The following ABCB1 variants were observed in gnomAD, a reference collection of about 807,000 sequenced individuals.
ABCB1 encodes the protein ATP binding cassette subfamily B member 1.
ABCB1 carries 69 observed loss-of-function variants against 142.0 expected under a neutral mutation model. That is an observed-to-expected ratio of 0.49 (90% CI 0.40 to 0.59). The LOEUF (loss-of-function observed/expected upper bound fraction) is 0.59. ABCB1 is among the 20% of genes least tolerant of loss of function. ABCB1 has a pLI of 0.00. For synonymous variants in ABCB1, 532 were observed against 539.2 expected (o/e 0.99, Z 0.18); for missense variants, 1,326 against 1,554.7 (o/e 0.85, Z 2.47).
At chr7:87,593,643 T>A (rs1385115409) in intron 3 of ABCB1, among the ~76,000 whole-genome samples, 1 of 152,220 alleles carries the variant, frequency 6.6e-6, no homozygotes, top group East Asian at 1.9e-4. Context: ...AGTTCTGCCT[T>A]CCTTCTATGA....
At chr7:87,589,199 A>G (rs934068505) in intron 3 of ABCB1, among the ~76,000 whole-genome samples, 5 of 152,200 alleles carry the variant, frequency 3.3e-5, no homozygotes, top group African/African-American at 9.6e-5. Flanking sequence ...GGGGAAAAAA[A>G]TCTTAATAAC....
At chr7:87,525,588 AG>A (rs1475257469) in intron 21 of ABCB1, among the ~76,000 whole-genome samples, 1 of 152,242 alleles carries the variant, frequency 6.6e-6, no homozygotes, top group African/African-American at 2.4e-5. Flanking sequence ...GCTAGAGGGA[AG>A]AAAATGTTAT....
intron 1 of ABCB1, among the ~76,000 whole-genome samples, chr7:87,635,770 T>C (rs1380326839): frequency 6.6e-6 from 1 of 152,200 alleles, no homozygotes; most frequent in African/African-American, 2.4e-5. Context: ...CTTGCTTTCT[T>C]GTAGTTAATA....
chr7:87,514,413 C>A (rs993675787), intron 25 of ABCB1, among the ~76,000 whole-genome samples: 2 of 152,164 alleles, frequency 1.3e-5, no homozygotes, highest in African/African-American at 4.8e-5. Flanking sequence ...CTCACTACTC[C>A]CTGCCAGACA....
At chr7:87,663,334 G>A (rs7786524) in intron 1 of ABCB1, among the ~76,000 whole-genome samples, 1,922 of 151,890 alleles carry the variant, frequency 0.013, 39 homozygotes, top group African/African-American at 0.044. Flanking sequence ...ACCCATTGAC[G>A]CTATTAACTA....
chr7:87,630,843 C>G (rs554235177), intron 1 of ABCB1, among the ~76,000 whole-genome samples: 21 of 152,060 alleles, frequency 1.4e-4, no homozygotes, highest in African/African-American at 5.1e-4. Context: ...GTGCCCTTAT[C>G]AGAGACAGTT....
At chr7:87,533,781 C>T (rs1816164045) in intron 20 of ABCB1, among the ~76,000 whole-genome samples, 2 of 152,154 alleles carry the variant, frequency 1.3e-5, no homozygotes, top group South Asian at 4.1e-4. Flanking sequence ...ATCCAACAGT[C>T]CTCTCTCAGT....
At chr7:87,681,162 A>G (rs1826893393) in intron 1 of ABCB1, among the ~76,000 whole-genome samples, 2 of 150,674 alleles carry the variant, frequency 1.3e-5, no homozygotes, top group South Asian at 2.1e-4. Context: ...AAATAGTCCT[A>G]TATCTATTAA....
chr7:87,630,452 A>T (rs567798733), intron 1 of ABCB1, among the ~76,000 whole-genome samples: 1 of 152,174 alleles, frequency 6.6e-6, no homozygotes, highest in Non-Finnish European at 1.5e-5. Flanking sequence ...ACTTTTTGAG[A>T]CAAATAGGCT....
chr7:87,546,885 G>A (rs1816806031), intron 14 of ABCB1, among the ~76,000 whole-genome samples: 1 of 151,896 alleles, frequency 6.6e-6, no homozygotes, highest in South Asian at 2.1e-4. Flanking sequence ...TGTAAAATGG[G>A]GATAATAATA....
rs377102862 is a variant in ABCB1, at chr7:87,554,104, A to C, written c.828-172T>G. On this transcript the variant is annotated intron_variant, in intron 8 of 27. Transcript: ENST00000622132. ...GTACTGTTTTACTCCCTTTTTGCAG[A>C]AGAAGAAACTGACATTTATAGAGAT... Among the ~76,000 whole-genome samples, 8 of 152,296 alleles carry C rather than the reference A, an allele frequency of 5.3e-5. No individual in the cohort carries two copies. The East Asian group carries it at 1.5e-3, about 29-fold the overall frequency.
chr7:87,513,851 C>G (rs1175022081), intron 25 of ABCB1, among the ~76,000 whole-genome samples: 1 of 152,162 alleles, frequency 6.6e-6, no homozygotes, highest in Admixed American at 6.5e-5. Context: ...TAACACACCA[C>G]TTAATAACTG....
chr7:87,575,174 T>C (rs1322711251), intron 4 of ABCB1, among the ~76,000 whole-genome samples: 1 of 152,220 alleles, frequency 6.6e-6, no homozygotes, highest in Non-Finnish European at 1.5e-5. Context: ...TTATTTGACC[T>C]AAATACTTCA....
rs1297647951 is a variant in ABCB1 at position 87,503,481 on chromosome 7, T to TA, written c.*761dup. On this transcript the variant is annotated 3_prime_UTR_variant, in exon 28 of 28. Coordinates refer to ENST00000622132, the MANE Select transcript of ABCB1 (RefSeq NM_001348946.2). ...AAAAAGTAAATGTACTTTGGAAGTG[T>TA]AAAAATCTTAAAAAATCCTTAAAGA... 1.3e-5 allele frequency among the ~76,000 whole-genome samples: 2 copies of TA among 152,176 alleles called. No homozygotes were observed. Among genetic ancestry groups the TA allele is most frequent in the Non-Finnish European group, 2.9e-5 (2 of 68,020 alleles).
At chr7:87,520,109 C>A (rs1346917739) in intron 22 of ABCB1, among the ~76,000 whole-genome samples, 3 of 152,250 alleles carry the variant, frequency 2.0e-5, no homozygotes, top group Middle Eastern at 3.4e-3. Context: ...AGCAAGTGGG[C>A]AGCCCTGGGC....
intron 1 of ABCB1, among the ~76,000 whole-genome samples, chr7:87,677,436 C>T (rs555254167): frequency 4.6e-5 from 7 of 151,572 alleles, no homozygotes; most frequent in South Asian, 4.2e-4. Flanking sequence ...ACAAATACCA[C>T]GTGATCTCAT....
intron 17 of ABCB1, among the ~76,000 whole-genome samples, chr7:87,542,563 C>A (rs1033007306): frequency 6.6e-6 from 1 of 152,190 alleles, no homozygotes; most frequent in Non-Finnish European, 1.5e-5. Flanking sequence ...GGGTCACTTA[C>A]CTCCAGACTT....
intron 1 of ABCB1, among the ~76,000 whole-genome samples, chr7:87,673,064 G>A (rs1825992266): frequency 6.6e-6 from 1 of 152,180 alleles, no homozygotes; most frequent in South Asian, 2.1e-4. Flanking sequence ...CTGGTTTGTA[G>A]GCTTTCTGCT....
Position 87,595,896 on chromosome 7 carries a change from T to G in ABCB1, c.69-82A>C, listed in dbSNP as rs1025778483. The G allele has an allele frequency of 3.0e-5, 32 of 1,083,516 alleles. No homozygotes were observed. In the African/African-American group the frequency reaches 5.0e-4, roughly 17 times the overall value. 67.1% of individuals were successfully genotyped at this position (1,083,516 alleles called of 1,614,324 possible). A position where few individuals can be genotyped will look rare whatever the true frequency, so the allele number is the denominator to read the frequency against. On this transcript the variant is annotated intron_variant, in intron 2 of 27. Transcript: ENST00000622132. ...ACCCAAATTAACATAGAATGTATAT[T>G]TAATGACTAATAGGAAGAAGAAATA...
Sources: gnomAD v4.1 joint callset for allele counts (sites outside exome capture counted in the v4.1 genomes callset) on GRCh38, gnomAD v4.1.1 for gene constraint, MANE v1.5 for transcripts, NCBI Gene and HGNC (gene_info 2026-07-23, HGNC 2026-07-21) for gene names.